Variants in CTNNA2 observed in about 807,000 individuals in gnomAD.
CTNNA2 encodes the protein catenin alpha-2.
Under a neutral mutation model 101.0 loss-of-function variants are expected in CTNNA2, and 42 were observed. The ratio of observed to expected loss-of-function variants is 0.42; its 90% CI spans 0.32 to 0.54. The LOEUF is 0.54. Among genes scored for constraint, CTNNA2 ranks in the 20% least tolerant of loss-of-function variants. CTNNA2 has a pLI of 0.14. For missense variants in CTNNA2, 871 were observed against 1,223.1 expected (o/e 0.71, Z 4.29); for synonymous variants, 450 against 456.4 (o/e 0.99, Z 0.18).
At chr2:80,484,860 G>A (rs1686434379) in intron 9 of CTNNA2, among the ~76,000 whole-genome samples, 1 of 152,002 alleles carries the variant, frequency 6.6e-6, no homozygotes, top group Non-Finnish European at 1.5e-5. Flanking sequence ...CAAAAAATTA[G>A]CCGGGCAAGG....
intron 1 of CTNNA2, among the ~76,000 whole-genome samples, chr2:79,189,321 G>T (rs778725972): frequency 1.9e-4 from 29 of 151,970 alleles, no homozygotes; most frequent in Non-Finnish European, 4.1e-4. Context: ...CTATTTTACA[G>T]ATTTTTTTCA....
At chr2:79,187,270 C>CTTTTCTTTTTTTTTT (rs1242631840) in intron 1 of CTNNA2, among the ~76,000 whole-genome samples, 3 of 65,466 alleles carry the variant, frequency 4.6e-5, no homozygotes, top group African/African-American at 2.2e-4. Flanking sequence ...CTTTTCTTTT[C>CTTTTCTTTTTTTTTT]TTTTTTTTTT....
chr2:80,403,572 T>C (rs1678777255), intron 8 of CTNNA2, among the ~76,000 whole-genome samples: 1 of 152,208 alleles, frequency 6.6e-6, no homozygotes, highest in African/African-American at 2.4e-5. Context: ...CTTTCAGGTC[T>C]ACAGTAATTT....
chr2:80,623,867 T>A (rs1198464318), intron 18 of CTNNA2, among the ~76,000 whole-genome samples: 1 of 151,954 alleles, frequency 6.6e-6, no homozygotes, highest in Non-Finnish European at 1.5e-5. Flanking sequence ...GAGTAAAAAA[T>A]TAAAGTATCA....
At chr2:80,194,298 T>C (rs929350502) in intron 7 of CTNNA2, among the ~76,000 whole-genome samples, 5 of 152,208 alleles carry the variant, frequency 3.3e-5, no homozygotes, top group Non-Finnish European at 5.9e-5. Context: ...TTAGGAGGCT[T>C]TAAGCCGTCA....
At chr2:79,683,216 G>C (rs768161288) in intron 2 of CTNNA2, among the ~76,000 whole-genome samples, 1 of 152,158 alleles carries the variant, frequency 6.6e-6, no homozygotes, top group Non-Finnish European at 1.5e-5. Context: ...TGGTACAAGA[G>C]GTTAATGGGC....
At chr2:79,264,838 G>C (rs1674969231) in intron 2 of CTNNA2, among the ~76,000 whole-genome samples, 1 of 152,002 alleles carries the variant, frequency 6.6e-6, no homozygotes. Context: ...AGCTACTCTA[G>C]CAACTAAAGT....
intron 9 of CTNNA2, among the ~76,000 whole-genome samples, chr2:80,474,547 A>T (rs1341943561): frequency 6.6e-6 from 1 of 152,190 alleles, no homozygotes; most frequent in East Asian, 1.9e-4. Context: ...AACATAGCTT[A>T]TACTGTTACA....
At chr2:79,481,106 T>C (rs546911197) in intron 4 of CTNNA2, among the ~76,000 whole-genome samples, 1 of 152,134 alleles carries the variant, frequency 6.6e-6, no homozygotes, top group Admixed American at 6.6e-5. Context: ...AATAAAAAGT[T>C]TTTTAAAAAC....
intron 2 of CTNNA2, among the ~76,000 whole-genome samples, chr2:79,290,197 A>T (rs1209723999): frequency 6.6e-6 from 1 of 152,188 alleles, no homozygotes; most frequent in Non-Finnish European, 1.5e-5. Context: ...TCTATGTTTA[A>T]CATTCATTGG....
At chr2:79,433,870 G>A (rs1258564088) in intron 4 of CTNNA2, among the ~76,000 whole-genome samples, 1 of 152,168 alleles carries the variant, frequency 6.6e-6, no homozygotes, top group Non-Finnish European at 1.5e-5. Flanking sequence ...ACAAGACTTG[G>A]CACATAGTAG....
At chr2:79,770,895 A>T (rs1353692468) in intron 3 of CTNNA2, among the ~76,000 whole-genome samples, 1 of 152,218 alleles carries the variant, frequency 6.6e-6, no homozygotes, top group East Asian at 1.9e-4. Context: ...CTTGTATAGC[A>T]TCTAGCTTTC....
chr2:80,174,497 CACA>C (rs1705273868), intron 7 of CTNNA2, among the ~76,000 whole-genome samples: 1 of 152,132 alleles, frequency 6.6e-6, no homozygotes, highest in African/African-American at 2.4e-5. Flanking sequence ...AGCTCATTTA[CACA>C]ATCCTAGGCC....
At chr2:80,440,581 A>G (rs1443597076) in intron 9 of CTNNA2, among the ~76,000 whole-genome samples, 1 of 152,172 alleles carries the variant, frequency 6.6e-6, no homozygotes, top group Non-Finnish European at 1.5e-5. Context: ...TGTTCCTTAC[A>G]GGCTTTGTTA....
At chr2:79,921,974 G>T (rs1377793581) in intron 7 of CTNNA2, among the ~76,000 whole-genome samples, 1 of 152,148 alleles carries the variant, frequency 6.6e-6, no homozygotes, top group African/African-American at 2.4e-5. Context: ...TCCAGGGAAA[G>T]AGCTGGGAAG....
At chr2:80,620,239 G>T (rs1386563948) in intron 18 of CTNNA2, among the ~76,000 whole-genome samples, 1 of 151,596 alleles carries the variant, frequency 6.6e-6, no homozygotes, top group Admixed American at 6.6e-5. Context: ...AATATATAAA[G>T]AGGGTATCAT....
intron 1 of CTNNA2, among the ~76,000 whole-genome samples, chr2:79,193,475 T>C (rs11126704): frequency 0.017 from 2,558 of 152,296 alleles, 95 homozygotes; most frequent in East Asian, 0.1. Flanking sequence ...GGCTATATCA[T>C]GTACCCAAAG....
At chr2:80,310,013 C>T (rs1024882969) in intron 7 of CTNNA2, among the ~76,000 whole-genome samples, 1 of 152,004 alleles carries the variant, frequency 6.6e-6, no homozygotes, top group South Asian at 2.1e-4. Flanking sequence ...CAGGCCTCTC[C>T]CCAGACCCAT....
chr2:80,011,302 T>C (rs1365797332), intron 7 of CTNNA2, among the ~76,000 whole-genome samples: 1 of 152,200 alleles, frequency 6.6e-6, no homozygotes, highest in African/African-American at 2.4e-5. Flanking sequence ...ATGTTATTCT[T>C]TTTCAAGCCG....
Sources: gnomAD v4.1 joint callset for allele counts (sites outside exome capture counted in the v4.1 genomes callset) on GRCh38, gnomAD v4.1.1 for gene constraint, MANE v1.5 for transcripts, NCBI Gene and HGNC (gene_info 2026-07-23, HGNC 2026-07-21) for gene names.